Variants in PTCH1 observed in about 807,000 individuals in gnomAD.
The protein encoded by PTCH1 is patched 1.
In PTCH1, 14 loss-of-function variants were observed where a neutral mutation model predicts 144.6. That is an observed-to-expected ratio of 0.10 (90% CI 0.06 to 0.15). The LOEUF (loss-of-function observed/expected upper bound fraction) is 0.15, where lower values mean the gene tolerates loss of function less well. PTCH1 is among the 10% of genes least tolerant of loss of function. The pLI is 1.00. For synonymous variants in PTCH1, 833 were observed against 793.6 expected, an observed-to-expected ratio of 1.05 and a Z score of -0.83; for missense variants, 1,623 against 1,948.3, an observed-to-expected ratio of 0.83 and a Z score of 3.14.
At chr9:95,486,090 C>T (rs1841944883) in intron 2 of PTCH1, among the ~76,000 whole-genome samples, 1 of 152,168 alleles carries the variant, frequency 6.6e-6, no homozygotes, top group Admixed American at 6.5e-5. Flanking sequence ...AATGGCTGTC[C>T]CGCCTGTCAC....
chr9:95,462,879 G>A (rs1029002269), intron 15 of PTCH1, among the ~76,000 whole-genome samples: 6 of 152,186 alleles, frequency 3.9e-5, no homozygotes, highest in African/African-American at 9.7e-5. Context: ...CAGACCTGAC[G>A]GTTTGGCTGC....
intron 2 of PTCH1, among the ~76,000 whole-genome samples, chr9:95,492,899 AG>A (rs915691315): frequency 1.3e-5 from 2 of 152,048 alleles, no homozygotes; most frequent in Non-Finnish European, 2.9e-5. Context: ...CCTGTCTTAG[AG>A]GGGGCAGATG....
chr9:95,448,401 C>T (rs544474136), intron 22 of PTCH1, among the ~76,000 whole-genome samples: 4 of 152,082 alleles, frequency 2.6e-5, no homozygotes, highest in East Asian at 3.9e-4. Flanking sequence ...CAGGGCTGAG[C>T]CCATCCCAGG....
Position 95,458,620 on chromosome 9 carries a change from A to G in PTCH1, c.2888-327T>C, listed in dbSNP as rs1212355994. Among the ~76,000 whole-genome samples the G allele has an allele frequency of 6.6e-6, 1 of 152,246 alleles. No individual in the cohort carries two copies. The highest frequency in any genetic ancestry group is 1.5e-5 in the Non-Finnish European group (1 of 68,046). On this transcript the variant is annotated intron_variant, in intron 17 of 23. Transcript: ENST00000331920. The surrounding 1 kb of genome is among the most constrained non-coding windows in gnomAD (Gnocchi z 4.7). ...ACATATGAAAATACCAAGTTCACAC[A>G]GTTTTATTCAATCACTTGCAAGAGC...
intron 1 of PTCH1, 109 bp from the exon 2 acceptor site, chr9:95,506,708 G>A (rs1035275536): frequency 1.9e-6 from 2 of 1,066,628 alleles, no homozygotes; most frequent in Non-Finnish European, 1.2e-6. Flanking sequence ...GTGGGGGCGC[G>A]GGTGGCCGCG....
rs1317467252 is a variant in PTCH1 at position 95,445,433 on chromosome 9, CATG to C, written c.*957_*959del. On this transcript the variant is annotated 3_prime_UTR_variant, in exon 24 of 24. Coordinates refer to ENST00000331920, the MANE Select transcript of PTCH1 (RefSeq NM_000264.5). ...TGTCACCGAATTCTCTAACACCCAC[CATG>C]ATGAACTGATGTGAGCTCCATACCC... The C allele has an allele frequency of 6.6e-6, 1 of 152,104 alleles. No homozygotes were observed. The highest frequency in any genetic ancestry group is 1.5e-5 in the Non-Finnish European group (1 of 68,068). 9.4% of individuals were successfully genotyped at this position (152,104 alleles called of 1,614,324 possible). A position where few individuals can be genotyped will look rare whatever the true frequency, so the allele number is the denominator to read the frequency against.
chr9:95,466,627 C>G (rs1840025762), intron 15 of PTCH1, among the ~76,000 whole-genome samples: 2 of 152,082 alleles, frequency 1.3e-5, no homozygotes, highest in South Asian at 4.2e-4. Context: ...CCTAAAACTG[C>G]TCTAAAAACA....
chr9:95,491,968 A>C (rs1564070572), intron 2 of PTCH1, among the ~76,000 whole-genome samples: 1 of 152,234 alleles, frequency 6.6e-6, no homozygotes, highest in Non-Finnish European at 1.5e-5. Context: ...TTCACAACCA[A>C]ACAGGAAATC....
At chr9:95,506,967 T>C in intron 1 of PTCH1, 1 of 1,009,432 alleles carries the variant, frequency 9.9e-7, no homozygotes, top group Non-Finnish European at 1.2e-6. Flanking sequence ...GGCTGCGTAA[T>C]CCCAGCGATG....
chr9:95,482,912 G>A (rs1043063276), intron 3 of PTCH1: 1 of 152,482 alleles, frequency 6.6e-6, no homozygotes, highest in East Asian at 1.9e-4. Flanking sequence ...TCTCTATAAT[G>A]AATGAATGAA....
At chr9:95,494,303 T>C in intron 2 of PTCH1, 1 of 985,526 alleles carries the variant, frequency 1.0e-6, no homozygotes, top group Non-Finnish European at 1.2e-6. Context: ...CCCGGCACTC[T>C]GCCCACGCTG....
At chr9:95,459,870 G>GCACA (rs1227964045) in intron 16 of PTCH1, 87 bp from the exon 17 acceptor site, 21 of 1,394,022 alleles carry the variant, frequency 1.5e-5, no homozygotes, top group Non-Finnish European at 2.0e-5. Flanking sequence ...GCTGAGCTTC[G>GCACA]CACAGCATTA....
intron 22 of PTCH1, 130 bp from the exon 23 acceptor site, chr9:95,447,581 AC>A: frequency 2.1e-6 from 2 of 966,996 alleles, no homozygotes; most frequent in Non-Finnish European, 3.0e-6. Context: ...GGGGCCTTCC[AC>A]CCACAAAAGA....
chr9:95,451,301 C>A (rs763299519), intron 20 of PTCH1: 9 of 152,150 alleles, frequency 5.9e-5, no homozygotes, highest in Non-Finnish European at 1.2e-4. Flanking sequence ...CATAAACAGG[C>A]CAATTAGATT....
Position 95,447,151 on chromosome 9 carries a change from T to A in PTCH1, c.4105A>T (p.Thr1369Ser), listed in dbSNP as rs2136576380. 1 of 1,613,074 alleles carries A rather than the reference T, an allele frequency of 6.2e-7. No homozygotes were observed. The highest frequency in any genetic ancestry group is 8.5e-7 in the Non-Finnish European group (1 of 1,179,884). Residue 1369 changes from threonine (T) to serine (S), a missense_variant, in exon 23 of 24, where the codon ACC becomes TCC. This residue lies in a region of PTCH1 where 291 missense variants were observed against 287.4 expected (regional missense o/e 1.01). Coordinates refer to ENST00000331920, the MANE Select transcript of PTCH1 (RefSeq NM_000264.5). Reference protein sequence around the residue: ...SSVPGYCQPITTVTASASVTV... With the variant: ...SSVPGYCQPISTVTASASVTV... ...ACGGAGGCAGAAGCCGTCACAGTGG[T>A]GATGGGCTGGCAGTAGCCGGGCACG...
At chr9:95,514,950 T>A (rs1389849469) in intron 1 of PTCH1, among the ~76,000 whole-genome samples, 3 of 152,120 alleles carry the variant, frequency 2.0e-5, no homozygotes, top group African/African-American at 7.2e-5. Flanking sequence ...TTGAAACAGA[T>A]CATGGACTCA....
chr9:95,512,767 G>T (rs977727245), upstream of PTCH1, among the ~76,000 whole-genome samples: 7 of 152,188 alleles, frequency 4.6e-5, no homozygotes, highest in Non-Finnish European at 7.3e-5. Context: ...TGTCCTCCGG[G>T]AAGACAGTCC....
chr9:95,477,290 C>A (rs569120815), intron 10 of PTCH1, among the ~76,000 whole-genome samples: 1 of 152,338 alleles, frequency 6.6e-6, no homozygotes, highest in East Asian at 1.9e-4. Flanking sequence ...AGAGCCACAA[C>A]CCTGGTCAAT....
intron 12 of PTCH1, 117 bp from the exon 13 acceptor site, chr9:95,470,048 T>C: frequency 1.2e-6 from 1 of 802,730 alleles, no homozygotes; most frequent in Non-Finnish European, 2.1e-6. Flanking sequence ...TCTTGAAGCA[T>C]TTGAAACCGT....
Sources: gnomAD v4.1 joint callset for allele counts (sites outside exome capture counted in the v4.1 genomes callset) on GRCh38, gnomAD v4.1.1 for gene constraint, gnomAD v4.1.1 regional missense constraint, Gnocchi (gnomAD v3.1) non-coding constraint, MANE v1.5 for transcripts, NCBI Gene and HGNC (gene_info 2026-07-23, HGNC 2026-07-21) for gene names.